Variants in CA10 observed in about 807,000 individuals in gnomAD.
CA10 encodes carbonic anhydrase-related protein 10.
In CA10, 14 loss-of-function variants were observed where a neutral mutation model predicts 44.2. The ratio of observed to expected loss-of-function variants is 0.32; its 90% CI spans 0.21 to 0.50. The LOEUF (loss-of-function observed/expected upper bound fraction) is 0.50, where lower values mean the gene tolerates loss of function less well. CA10 is among the 20% of genes least tolerant of loss of function. The pLI, the probability that CA10 is intolerant of heterozygous loss-of-function variation, is 0.99. For synonymous variants in CA10, 159 were observed against 141.6 expected (o/e 1.12, Z -0.87); for missense variants, 350 against 409.7 (o/e 0.85, Z 1.26).
intron 3 of CA10, among the ~76,000 whole-genome samples, chr17:51,836,985 G>A (rs1053254428): frequency 2.0e-5 from 3 of 152,088 alleles, no homozygotes; most frequent in Non-Finnish European, 4.4e-5. Flanking sequence ...GGGGGTGTAA[G>A]GCTGGGGAGA....
intron 3 of CA10, among the ~76,000 whole-genome samples, chr17:51,750,354 G>A (rs1341034738): frequency 6.6e-6 from 1 of 151,998 alleles, no homozygotes; most frequent in Non-Finnish European, 1.5e-5. Flanking sequence ...TTGCATATAT[G>A]TATATTATAT....
chr17:51,996,470 G>A (rs1025022460), intron 2 of CA10, among the ~76,000 whole-genome samples: 3 of 151,712 alleles, frequency 2.0e-5, no homozygotes, highest in East Asian at 1.9e-4. Flanking sequence ...TTTCCATTTG[G>A]TCTGACTTAT....
chr17:51,994,078 A>G (rs938820588), intron 2 of CA10, among the ~76,000 whole-genome samples: 1 of 152,082 alleles, frequency 6.6e-6, no homozygotes, highest in African/African-American at 2.4e-5. Context: ...TACTTGGAGA[A>G]ATGGGAAAAA....
At chr17:51,659,867 C>G (rs961175637) in intron 4 of CA10, among the ~76,000 whole-genome samples, 13 of 152,336 alleles carry the variant, frequency 8.5e-5, no homozygotes, top group African/African-American at 3.1e-4. Flanking sequence ...TGAAACTATT[C>G]TCTTTGAGTC....
intron 1 of CA10, among the ~76,000 whole-genome samples, chr17:52,151,996 GT>G (rs1295841006): frequency 1.3e-5 from 2 of 152,012 alleles, no homozygotes; most frequent in Non-Finnish European, 2.9e-5. Context: ...TACAAATGGT[GT>G]TTTTTTATCC....
chr17:51,933,353 G>A (rs1982739261), intron 2 of CA10, among the ~76,000 whole-genome samples: 1 of 152,022 alleles, frequency 6.6e-6, no homozygotes, highest in South Asian at 2.1e-4. Flanking sequence ...ATATACAGAT[G>A]GAAACAGAGG....
At chr17:51,637,919 G>C (rs963545325) in intron 6 of CA10, among the ~76,000 whole-genome samples, 1 of 152,236 alleles carries the variant, frequency 6.6e-6, no homozygotes, top group African/African-American at 2.4e-5. Context: ...TGCAGTCCTT[G>C]ACCTTATTCT....
At chr17:51,685,710 C>T (rs1914985172) in intron 4 of CA10, among the ~76,000 whole-genome samples, 1 of 152,102 alleles carries the variant, frequency 6.6e-6, no homozygotes. Context: ...TTACACTGAC[C>T]AGGGAATAGA....
chr17:51,868,807 G>A (rs1024000019), intron 3 of CA10, among the ~76,000 whole-genome samples: 2 of 151,800 alleles, frequency 1.3e-5, no homozygotes, highest in Non-Finnish European at 2.9e-5. Context: ...TCTTGCCCAA[G>A]AGTGTTGATA....
At chr17:51,727,946 C>T (rs1916585541) in intron 4 of CA10, among the ~76,000 whole-genome samples, 1 of 152,060 alleles carries the variant, frequency 6.6e-6, no homozygotes, top group Admixed American at 6.6e-5. Flanking sequence ...AATGCAGTGG[C>T]ATGATCATAG....
At chr17:51,847,118 G>A (rs1198228086) in intron 3 of CA10, among the ~76,000 whole-genome samples, 1 of 152,102 alleles carries the variant, frequency 6.6e-6, no homozygotes, top group Non-Finnish European at 1.5e-5. Context: ...TTTAAATAGA[G>A]GCTGGTAACT....
At chr17:51,841,978 C>T (rs1481659691) in intron 3 of CA10, among the ~76,000 whole-genome samples, 2 of 152,166 alleles carry the variant, frequency 1.3e-5, no homozygotes, top group African/African-American at 2.4e-5. Context: ...GAACTATTTC[C>T]CATAAATGCT....
At chr17:51,631,705 G>T (rs1912588790) in intron 8 of CA10, 99 bp from the exon 9 acceptor site, 2 of 1,017,396 alleles carry the variant, frequency 2.0e-6, no homozygotes, top group South Asian at 1.3e-5. Flanking sequence ...CCTCCAGAGG[G>T]GAAGGGACTG....
chr17:52,096,088 G>A (rs1032813096), intron 1 of CA10, among the ~76,000 whole-genome samples: 5 of 152,110 alleles, frequency 3.3e-5, no homozygotes, highest in Non-Finnish European at 7.4e-5. Context: ...TATCTCTTGG[G>A]ATAATGCATG....
At chr17:51,966,869 C>T (rs1299140046) in intron 2 of CA10, among the ~76,000 whole-genome samples, 1 of 151,608 alleles carries the variant, frequency 6.6e-6, no homozygotes, top group African/African-American at 2.4e-5. Flanking sequence ...CAAGCAGGAC[C>T]TAATTAAATA....
intron 3 of CA10, among the ~76,000 whole-genome samples, chr17:51,916,108 T>C (rs1472267607): frequency 6.8e-6 from 1 of 147,736 alleles, no homozygotes; most frequent in African/African-American, 2.5e-5. Context: ...ATTTCCAGCA[T>C]GCATTCACAT....
At chr17:51,809,138 A>G (rs1243985870) in intron 3 of CA10, among the ~76,000 whole-genome samples, 2 of 152,180 alleles carry the variant, frequency 1.3e-5, no homozygotes, top group African/African-American at 4.8e-5. Flanking sequence ...CAAAAGTGAT[A>G]GGGAAAAAAT....
At chr17:51,802,206 T>A (rs918207827) in intron 3 of CA10, among the ~76,000 whole-genome samples, 1 of 152,192 alleles carries the variant, frequency 6.6e-6, no homozygotes, top group African/African-American at 2.4e-5. Context: ...ACACTATGTC[T>A]CATTAATTTC....
chr17:51,962,526 A>T (rs1048728094), intron 2 of CA10, among the ~76,000 whole-genome samples: 7 of 152,166 alleles, frequency 4.6e-5, no homozygotes, highest in Non-Finnish European at 1.0e-4. Context: ...AAACAAGAAT[A>T]AAATATATAC....
Sources: gnomAD v4.1 joint callset for allele counts (sites outside exome capture counted in the v4.1 genomes callset) on GRCh38, gnomAD v4.1.1 for gene constraint, MANE v1.5 for transcripts, NCBI Gene and HGNC (gene_info 2026-07-23, HGNC 2026-07-21) for gene names.